EXOC6B: variants seen among roughly 807,000 people sequenced by gnomAD.
EXOC6B encodes the protein exocyst complex component 6B, also known as SEC15 homolog B.
EXOC6B carries 54 observed loss-of-function variants against 113.5 expected under a neutral mutation model. The ratio of observed to expected loss-of-function variants is 0.48; its 90% CI spans 0.38 to 0.60. EXOC6B has a LOEUF of 0.60. EXOC6B is among the 20% of genes least tolerant of loss of function. The pLI, the probability that EXOC6B is intolerant of heterozygous loss-of-function variation, is 0.00. For missense variants in EXOC6B, 797 were observed against 977.5 expected (o/e 0.82, Z 2.46); for synonymous variants, 357 against 339.0 (o/e 1.05, Z -0.58).
At position 72,498,475 on chromosome 2, in the gene EXOC6B, T is replaced by G. The variant is rs766799356; in HGVS notation, c.1316A>C (p.Lys439Thr). 1 of 1,610,816 alleles carries G rather than the reference T, an allele frequency of 6.2e-7. No homozygotes were observed. Among genetic ancestry groups the G allele is most frequent in the East Asian group, 2.2e-5 (1 of 44,716 alleles). Residue 439 changes from lysine (K) to threonine (T), a missense_variant, in exon 13 of 22, where the codon AAG becomes ACG. Lys to Thr is a moderately conservative substitution (Grantham distance 78). Transcript: ENST00000272427. Reference protein sequence around the residue: ...IRDQYSETLLKKWAGIFRNIL... With the variant: ...IRDQYSETLLTKWAGIFRNIL... Reference sequence around the variant, plus strand: ...TCACCTGAAAATACCTGCCCACTTCTTTAGCAGAGTTTCACTATATTGGTC... The same window carrying G: ...TCACCTGAAAATACCTGCCCACTTCGTTAGCAGAGTTTCACTATATTGGTC...
chr2:72,220,714 A>T (rs1680813882), intron 20 of EXOC6B, among the ~76,000 whole-genome samples: 1 of 152,226 alleles, frequency 6.6e-6, no homozygotes, highest in Non-Finnish European at 1.5e-5. Flanking sequence ...AAGAAAAAAA[A>T]TCTCTAAAGA....
At chr2:72,213,574 A>G (rs1680328240) in intron 20 of EXOC6B, among the ~76,000 whole-genome samples, 1 of 152,162 alleles carries the variant, frequency 6.6e-6, no homozygotes, top group South Asian at 2.1e-4. Flanking sequence ...GACTCTTGTT[A>G]GAACTTCAGG....
intron 19 of EXOC6B, among the ~76,000 whole-genome samples, chr2:72,370,076 C>T (rs955495247): frequency 2.6e-5 from 4 of 152,094 alleles, no homozygotes; most frequent in Non-Finnish European, 5.9e-5. Context: ...GAACAGGCAA[C>T]CTACAGAATG....
At chr2:72,268,274 C>T (rs964002629) in intron 20 of EXOC6B, among the ~76,000 whole-genome samples, 7 of 152,012 alleles carry the variant, frequency 4.6e-5, no homozygotes, top group African/African-American at 1.7e-4. Context: ...CCACACCCAG[C>T]TAATTTTTGT....
intron 6 of EXOC6B, among the ~76,000 whole-genome samples, chr2:72,655,632 A>T (rs1674520835): frequency 6.6e-6 from 1 of 152,074 alleles, no homozygotes; most frequent in Admixed American, 6.5e-5. Context: ...CACAAAACAA[A>T]TCAAAATAAG....
intron 19 of EXOC6B, among the ~76,000 whole-genome samples, chr2:72,367,586 A>C (rs894929538): frequency 6.6e-6 from 1 of 151,804 alleles, no homozygotes; most frequent in African/African-American, 2.4e-5. Context: ...AAATCAGGTG[A>C]GCAATCACGC....
At chr2:72,255,885 G>A (rs1284768271) in intron 20 of EXOC6B, among the ~76,000 whole-genome samples, 1 of 152,190 alleles carries the variant, frequency 6.6e-6, no homozygotes, top group Non-Finnish European at 1.5e-5. Flanking sequence ...ATTTTTGAGA[G>A]CCAGAGGATA....
At chr2:72,447,656 A>G (rs1248270123) in intron 18 of EXOC6B, among the ~76,000 whole-genome samples, 1 of 152,196 alleles carries the variant, frequency 6.6e-6, no homozygotes, top group Non-Finnish European at 1.5e-5. Flanking sequence ...TAATAATGCA[A>G]CCTAAATTAA....
chr2:72,279,806 G>GT (rs1325934276), intron 20 of EXOC6B, among the ~76,000 whole-genome samples: 12 of 151,114 alleles, frequency 7.9e-5, no homozygotes, highest in Non-Finnish European at 1.0e-4. Flanking sequence ...TTTTGTTGTT[G>GT]TTGTTTTTGT....
chr2:72,809,537 A>C lies in EXOC6B; in HGVS notation c.113+16261T>G, dbSNP rs1004413286. On this transcript the variant is annotated intron_variant, in intron 1 of 21. Transcript: ENST00000272427. ...CCCACCAAGAATGTAAAATAACCCA[A>C]AGTAAACAGCAGGAAGGAAATAATA... 2.0e-5 allele frequency among the ~76,000 whole-genome samples: 3 copies of C among 152,226 alleles called. No homozygotes were observed. In the South Asian group the frequency reaches 6.2e-4, roughly 31 times the overall value.
At chr2:72,453,883 T>C (rs1697052594) in intron 18 of EXOC6B, among the ~76,000 whole-genome samples, 1 of 152,186 alleles carries the variant, frequency 6.6e-6, no homozygotes, top group Non-Finnish European at 1.5e-5. Context: ...AGAAGTTTAA[T>C]TGACTCACAA....
chr2:72,620,683 A>C (rs984489975), intron 6 of EXOC6B, among the ~76,000 whole-genome samples: 11 of 151,974 alleles, frequency 7.2e-5, no homozygotes, highest in Non-Finnish European at 1.5e-4. Context: ...AAGAGCTTCC[A>C]TACAGCAAAA....
At chr2:72,204,332 G>T (rs966231694) in intron 20 of EXOC6B, among the ~76,000 whole-genome samples, 13 of 152,056 alleles carry the variant, frequency 8.5e-5, no homozygotes, top group African/African-American at 3.1e-4. Flanking sequence ...GGTTCTCTGG[G>T]GTCCCGGGGT....
Position 72,633,496 on chromosome 2 carries a change from C to T in EXOC6B, c.670-57828G>A, listed in dbSNP as rs552236135. Among the ~76,000 whole-genome samples, 9 of 152,190 alleles carry T rather than the reference C, an allele frequency of 5.9e-5. No individual in the cohort carries two copies. The South Asian group carries it at 1.7e-3, about 28-fold the overall frequency. On this transcript the variant is annotated intron_variant, in intron 6 of 21. Coordinates refer to ENST00000272427, the MANE Select transcript of EXOC6B (RefSeq NM_015189.3). ...AAGATTTTGATGCCTCAGAGAGAAC[C>T]CCTGGTGTAATTAAAACAAAATGGA... is the stretch of plus-strand genomic sequence containing the variant.
intron 19 of EXOC6B, among the ~76,000 whole-genome samples, chr2:72,379,422 C>G (rs946420309): frequency 3.3e-5 from 5 of 152,094 alleles, no homozygotes; most frequent in African/African-American, 9.7e-5. Flanking sequence ...TCTTTTGAAG[C>G]CTTTGGACCA....
At chr2:72,486,566 G>A (rs2105515413) in intron 16 of EXOC6B, among the ~76,000 whole-genome samples, 1 of 152,062 alleles carries the variant, frequency 6.6e-6, no homozygotes, top group African/African-American at 2.4e-5. Context: ...TCTCCCATCT[G>A]TAGGTTTAGC....
At chr2:72,530,810 C>T (rs1453631044) in intron 8 of EXOC6B, among the ~76,000 whole-genome samples, 2 of 152,038 alleles carry the variant, frequency 1.3e-5, no homozygotes, top group Admixed American at 1.3e-4. Flanking sequence ...TGGATTGACC[C>T]TTTTACCATT....
At chr2:72,565,154 C>A (rs1401994505) in intron 7 of EXOC6B, among the ~76,000 whole-genome samples, 1 of 151,836 alleles carries the variant, frequency 6.6e-6, no homozygotes, top group East Asian at 1.9e-4. Context: ...AGTTCAAGAC[C>A]AGCCTGTGCA....
At chr2:72,721,414 C>A (rs1422766416) in intron 5 of EXOC6B, among the ~76,000 whole-genome samples, 4 of 63,630 alleles carry the variant, frequency 6.3e-5, no homozygotes, top group African/African-American at 1.3e-4. Context: ...CACAAAAGAA[C>A]CAAAAAGGGC....
Sources: allele counts gnomAD v4.1 joint callset (sites outside exome capture counted in the v4.1 genomes callset), GRCh38; gene constraint gnomAD v4.1.1; transcripts MANE v1.5; gene names NCBI Gene and HGNC (gene_info 2026-07-23, HGNC 2026-07-21).